Variants in SLC23A2 observed in about 807,000 individuals in gnomAD.
The protein encoded by SLC23A2 is solute carrier family 23 member 2.
SLC23A2 carries 36 observed loss-of-function variants against 73.3 expected under a neutral mutation model. The observed-to-expected ratio is 0.49, with a 90% CI of 0.38 to 0.65. The LOEUF (loss-of-function observed/expected upper bound fraction) is 0.65, where lower values mean the gene tolerates loss of function less well. Among genes scored for constraint, SLC23A2 ranks in the 30% least tolerant of loss-of-function variants. The pLI is 0.00. For synonymous variants in SLC23A2, 343 were observed against 327.3 expected (o/e 1.05, Z -0.52); for missense variants, 507 against 841.6 (o/e 0.60, Z 4.92).
chr20:4,975,286 CTA>C (rs2087625729), intron 1 of SLC23A2, among the ~76,000 whole-genome samples: 1 of 152,074 alleles, frequency 6.6e-6, no homozygotes. Flanking sequence ...CGGAAGAAAA[CTA>C]TGTATTTCTT....
chr20:4,881,331 A>G (rs1930874931), intron 9 of SLC23A2, among the ~76,000 whole-genome samples: 1 of 152,176 alleles, frequency 6.6e-6, no homozygotes, highest in Non-Finnish European at 1.5e-5. Flanking sequence ...CCATCAAAGA[A>G]ATGCGATTTC....
At position 4,862,998 on chromosome 20, in the gene SLC23A2, T is replaced by C. The variant is rs566108231; in HGVS notation, c.1357-91A>G. 2 of 1,356,532 alleles carry C rather than the reference T, an allele frequency of 1.5e-6. No individual in the cohort carries two copies. Among genetic ancestry groups the C allele is most frequent in the African/African-American group, 1.4e-5 (1 of 69,042 alleles). 84.0% of individuals were successfully genotyped at this position (1,356,532 alleles called of 1,614,324 possible). ...AAAGAACACACAGCAGAGATACCCA[T>C]GGCCTGGCTCGCTACCTTCACCTCC... On this transcript the variant is annotated intron_variant, in intron 13 of 16. Transcript: ENST00000338244. This position sits in a 1 kb window ranked among gnomAD's most constrained non-coding sequence, Gnocchi z 5.1.
At chr20:4,876,088 C>A (rs769795922) in intron 9 of SLC23A2, among the ~76,000 whole-genome samples, 26 of 152,114 alleles carry the variant, frequency 1.7e-4, no homozygotes, top group Admixed American at 6.6e-5. Flanking sequence ...ACAGTGCCCA[C>A]GTTATTTCAA....
At chr20:4,983,421 C>T (rs566417359) in intron 1 of SLC23A2, among the ~76,000 whole-genome samples, 21 of 152,044 alleles carry the variant, frequency 1.4e-4, no homozygotes, top group East Asian at 9.7e-4. Flanking sequence ...CCAAGGCGGG[C>T]AGATCACAAG....
chr20:4,935,659 C>T (rs574384908), intron 2 of SLC23A2, among the ~76,000 whole-genome samples: 4 of 152,054 alleles, frequency 2.6e-5, no homozygotes, highest in Non-Finnish European at 4.4e-5. Context: ...ATTAGCCGGG[C>T]GTGGTGGCGG....
At chr20:4,871,080 G>A (rs1025752283) in intron 11 of SLC23A2, among the ~76,000 whole-genome samples, 2 of 152,112 alleles carry the variant, frequency 1.3e-5, no homozygotes, top group Non-Finnish European at 2.9e-5. Context: ...GGTCTCTTTC[G>A]TGTGAGAATG....
At chr20:4,903,456 T>C (rs1055614317) in intron 4 of SLC23A2, among the ~76,000 whole-genome samples, 6 of 152,218 alleles carry the variant, frequency 3.9e-5, no homozygotes, top group African/African-American at 1.4e-4. Context: ...TTTCTTGGAA[T>C]CCAAGATATG....
chr20:4,983,299 AG>A (rs2087755711), intron 1 of SLC23A2, among the ~76,000 whole-genome samples: 1 of 152,170 alleles, frequency 6.6e-6, no homozygotes, highest in African/African-American at 2.4e-5. Context: ...AAGCAAAAAA[AG>A]AAAAACAGAC....
At chr20:4,989,113 C>T in intron 1 of SLC23A2, among the ~76,000 whole-genome samples, 1 of 151,592 alleles carries the variant, frequency 6.6e-6, no homozygotes, top group South Asian at 2.1e-4. Flanking sequence ...GTGGTGGGTG[C>T]CTGTAGTCCC....
At position 4,857,332 on chromosome 20, in the gene SLC23A2, ACACATG is replaced by A. The variant is rs1471780079; in HGVS notation, c.1721-134_1721-129del. On this transcript the variant is annotated intron_variant, in intron 16 of 16. Transcript: ENST00000338244. This position sits in a 1 kb window ranked among gnomAD's most constrained non-coding sequence, Gnocchi z 4.0. ...CACACACACACACACACACACACAC[ACACATG>A]GTCCCACAGATCAAACCTGCCTAGA... is the stretch of plus-strand genomic sequence containing the variant. 20 of 534,138 alleles carry A rather than the reference ACACATG, an allele frequency of 3.7e-5. No individual in the cohort carries two copies. In the East Asian group the frequency reaches 4.4e-4, roughly 12 times the overall value. 33.1% of individuals were successfully genotyped at this position (534,138 alleles called of 1,614,324 possible). A position where few individuals can be genotyped will look rare whatever the true frequency, so the allele number is the denominator to read the frequency against.
chr20:4,988,748 G>A (rs1305929429), intron 1 of SLC23A2, among the ~76,000 whole-genome samples: 2 of 135,648 alleles, frequency 1.5e-5, no homozygotes, highest in African/African-American at 2.6e-5. Context: ...AAAAAAAAAA[G>A]AAAGAAAGAA....
At chr20:5,008,813 C>T (rs867222621) in intron 1 of SLC23A2, among the ~76,000 whole-genome samples, 10 of 151,860 alleles carry the variant, frequency 6.6e-5, no homozygotes, top group South Asian at 2.1e-4. Flanking sequence ...GTGACCCTCC[C>T]GCCTCAGCCT....
At position 4,862,281 on chromosome 20, in the gene SLC23A2, C is replaced by T. The variant is rs1014865750; in HGVS notation, c.1487-196G>A. ...TCTGAGCCAAATGACCCTCGGCGTA[C>T]GCGCTATTTGGGCTCCTACGGGAGC... On this transcript the variant is annotated intron_variant, in intron 14 of 16. Coordinates refer to ENST00000338244, the MANE Select transcript of SLC23A2 (RefSeq NM_005116.6). The surrounding 1 kb of genome is among the most constrained non-coding windows in gnomAD (Gnocchi z 5.1). 5.2e-4 allele frequency among the ~76,000 whole-genome samples: 79 copies of T among 152,226 alleles called. No homozygotes were observed. Among genetic ancestry groups the T allele is most frequent in the Admixed American group, 2.0e-4 (3 of 15,288 alleles).
intron 3 of SLC23A2, among the ~76,000 whole-genome samples, chr20:4,913,964 T>C (rs1932243611): frequency 6.6e-6 from 1 of 151,818 alleles, no homozygotes; most frequent in Non-Finnish European, 1.5e-5. Flanking sequence ...CCCAGAATAC[T>C]ACAAGGGAAA....
At chr20:4,905,348 C>T (rs898736033) in intron 4 of SLC23A2, among the ~76,000 whole-genome samples, 1 of 152,100 alleles carries the variant, frequency 6.6e-6, no homozygotes, top group Admixed American at 6.5e-5. Context: ...GCTGTGCCCC[C>T]CCTCCTGATG....
chr20:4,911,023 A>G (rs1411427794), intron 4 of SLC23A2, among the ~76,000 whole-genome samples: 1 of 152,172 alleles, frequency 6.6e-6, no homozygotes, highest in Non-Finnish European at 1.5e-5. Context: ...TCTAAAGACG[A>G]TCTCCAGACA....
At chr20:4,905,300 G>C (rs1931902308) in intron 4 of SLC23A2, among the ~76,000 whole-genome samples, 1 of 152,100 alleles carries the variant, frequency 6.6e-6, no homozygotes, top group African/African-American at 2.4e-5. Context: ...GGAGGGGGCT[G>C]TGTGGTCAAG....
chr20:4,891,244 C>A (rs143778596), intron 6 of SLC23A2, among the ~76,000 whole-genome samples: 167 of 152,230 alleles, frequency 1.1e-3, no homozygotes, highest in African/African-American at 4.0e-3. Context: ...AAGGACCTGA[C>A]AGTTGAAGAA....
chr20:4,993,130 A>C (rs1021497245), intron 1 of SLC23A2, among the ~76,000 whole-genome samples: 16 of 151,616 alleles, frequency 1.1e-4, no homozygotes, highest in Admixed American at 2.0e-4. Flanking sequence ...CACACACACA[A>C]AAAATTAGCC....
Sources: gnomAD v4.1 joint callset for allele counts (sites outside exome capture counted in the v4.1 genomes callset) on GRCh38, gnomAD v4.1.1 for gene constraint, Gnocchi (gnomAD v3.1) non-coding constraint, MANE v1.5 for transcripts, NCBI Gene and HGNC (gene_info 2026-07-23, HGNC 2026-07-21) for gene names.